AKAP6: variants seen among roughly 807,000 people sequenced by gnomAD.
AKAP6 encodes the protein A-kinase anchor protein 6.
In AKAP6, 58 loss-of-function variants were observed where a neutral mutation model predicts 188.5. That is an observed-to-expected ratio of 0.31 (90% CI 0.25 to 0.38). AKAP6 has a LOEUF of 0.38. Among genes scored for constraint, AKAP6 ranks in the 10% least tolerant of loss-of-function variants. AKAP6 has a pLI of 1.00. For missense variants in AKAP6, 2,710 were observed against 2,740.0 expected, an observed-to-expected ratio of 0.99 and a Z score of 0.24; for synonymous variants, 989 against 998.6, an observed-to-expected ratio of 0.99 and a Z score of 0.18.
chr14:32,634,480 A>G (rs181470678), intron 7 of AKAP6, among the ~76,000 whole-genome samples: 72 of 151,946 alleles, frequency 4.7e-4, no homozygotes, highest in Non-Finnish European at 8.4e-4. Flanking sequence ...TTACTTTCTC[A>G]TTGTTGTTTC....
intron 9 of AKAP6, among the ~76,000 whole-genome samples, chr14:32,714,073 GT>G (rs1566662173): frequency 6.6e-6 from 1 of 151,964 alleles, no homozygotes. Flanking sequence ...CAATATTGTT[GT>G]GTCTCAAGGA....
Position 32,824,702 on chromosome 14 carries a change from C to T in AKAP6, c.6889C>T (p.Pro2297Ser), listed in dbSNP as rs1458510645. The T allele has an allele frequency of 6.2e-7, 1 of 1,613,798 alleles. No individual in the cohort carries two copies. Among genetic ancestry groups the T allele is most frequent in the Non-Finnish European group, 8.5e-7 (1 of 1,179,872 alleles). ...PTDKAALHPS[P>S]KTLTCEENLL... ...AGACAAGGCCGCATTGCATCCCAGC[C>T]CCAAAACTTTAACCTGTGAAGAAAA... is the stretch of plus-strand genomic sequence containing the variant. Residue 2297 changes from proline (P) to serine (S), a missense_variant, in exon 13 of 14, where the codon CCC (proline) becomes TCC (serine). Physicochemically the swap from Pro to Ser is moderately conservative, Grantham distance 74. Transcript: ENST00000280979.
intron 9 of AKAP6, among the ~76,000 whole-genome samples, chr14:32,710,237 ACTT>A (rs1468538083): frequency 6.6e-6 from 1 of 151,278 alleles, no homozygotes; most frequent in African/African-American, 2.4e-5. Context: ...GGACAGAGCT[ACTT>A]CTTCTCCCAG....
At chr14:32,584,436 A>G (rs1180748072) in intron 5 of AKAP6, among the ~76,000 whole-genome samples, 3 of 152,182 alleles carry the variant, frequency 2.0e-5, no homozygotes, top group Admixed American at 6.5e-5. Context: ...TTGCATTTAT[A>G]TTTTCAGACC....
intron 11 of AKAP6, among the ~76,000 whole-genome samples, chr14:32,737,744 C>T (rs960852691): frequency 3.9e-5 from 6 of 152,196 alleles, no homozygotes; most frequent in Admixed American, 3.9e-4. Context: ...TAACTGAAGT[C>T]CTTTATATGA....
intron 2 of AKAP6, among the ~76,000 whole-genome samples, chr14:32,526,160 G>A (rs1882113325): frequency 6.6e-6 from 1 of 152,076 alleles, no homozygotes; most frequent in African/African-American, 2.4e-5. Flanking sequence ...GACCTCCTGG[G>A]CTCAAGTGAT....
intron 7 of AKAP6, among the ~76,000 whole-genome samples, chr14:32,643,775 C>T (rs903000362): frequency 7.2e-5 from 11 of 152,130 alleles, no homozygotes; most frequent in African/African-American, 1.2e-4. Flanking sequence ...AAGACAGAGA[C>T]GTGTCCTTTA....
chr14:32,738,470 T>C (rs2031534157), intron 11 of AKAP6, among the ~76,000 whole-genome samples: 1 of 152,150 alleles, frequency 6.6e-6, no homozygotes, highest in South Asian at 2.1e-4. Context: ...TTGTTGATGA[T>C]TAATAACCGA....
At chr14:32,619,064 G>A (rs1234289488) in intron 7 of AKAP6, among the ~76,000 whole-genome samples, 10 of 151,118 alleles carry the variant, frequency 6.6e-5, no homozygotes, top group East Asian at 1.9e-4. Flanking sequence ...TGTGTTTCTC[G>A]TAAATCCTGA....
intron 12 of AKAP6, among the ~76,000 whole-genome samples, chr14:32,797,894 G>C (rs1232180523): frequency 7.1e-6 from 1 of 140,932 alleles, no homozygotes; most frequent in Admixed American, 7.0e-5. Context: ...TTGACCAATG[G>C]AACCTAATTA....
intron 7 of AKAP6, among the ~76,000 whole-genome samples, chr14:32,673,658 C>G (rs774191497): frequency 6.6e-6 from 1 of 152,146 alleles, no homozygotes; most frequent in Non-Finnish European, 1.5e-5. Context: ...TCGCTTGAAC[C>G]TGGGAGGTGG....
chr14:32,829,786 G>T, intron 13 of AKAP6, 62 bp from the exon 14 acceptor site: 2 of 660,068 alleles, frequency 3.0e-6, no homozygotes, highest in South Asian at 1.7e-5. Flanking sequence ...CAAAGGGCTT[G>T]GTTTTGCTAA....
intron 1 of AKAP6, among the ~76,000 whole-genome samples, chr14:32,363,514 A>T (rs899306646): frequency 2.6e-5 from 4 of 152,196 alleles, no homozygotes; most frequent in Non-Finnish European, 5.9e-5. Flanking sequence ...CTGAAGGCCC[A>T]AGAGCCACTG....
intron 9 of AKAP6, among the ~76,000 whole-genome samples, chr14:32,723,094 G>A (rs990644717): frequency 1.3e-5 from 2 of 152,232 alleles, no homozygotes; most frequent in South Asian, 2.1e-4. Flanking sequence ...CCTGCAAGGG[G>A]TTTAACTGCA....
At chr14:32,544,847 C>T (rs565534445) in intron 3 of AKAP6, among the ~76,000 whole-genome samples, 1 of 152,170 alleles carries the variant, frequency 6.6e-6, no homozygotes, top group East Asian at 1.9e-4. Flanking sequence ...AACAGACATT[C>T]GTGGAGATTT....
At chr14:32,631,232 A>G (rs1410859540) in intron 7 of AKAP6, among the ~76,000 whole-genome samples, 1 of 151,930 alleles carries the variant, frequency 6.6e-6, no homozygotes, top group Non-Finnish European at 1.5e-5. Flanking sequence ...TTATTCTTTG[A>G]GCGCCCCGTA....
intron 9 of AKAP6, among the ~76,000 whole-genome samples, chr14:32,711,141 T>C (rs1227916135): frequency 3.9e-5 from 6 of 152,104 alleles, no homozygotes; most frequent in Non-Finnish European, 7.4e-5. Flanking sequence ...CTATCTGCTA[T>C]ATTGCAGTAA....
intron 9 of AKAP6, among the ~76,000 whole-genome samples, chr14:32,700,607 A>G (rs775016814): frequency 6.6e-6 from 1 of 152,222 alleles, no homozygotes; most frequent in African/African-American, 2.4e-5. Flanking sequence ...ATATTTATGT[A>G]CACAAATACT....
chr14:32,625,771 G>A (rs1447531084), intron 7 of AKAP6, among the ~76,000 whole-genome samples: 1 of 152,102 alleles, frequency 6.6e-6, no homozygotes, highest in Non-Finnish European at 1.5e-5. Flanking sequence ...CCAGCTGTGT[G>A]TGGAACATTT....
Sources: gnomAD v4.1 joint callset for allele counts (sites outside exome capture counted in the v4.1 genomes callset) on GRCh38, gnomAD v4.1.1 for gene constraint, MANE v1.5 for transcripts, NCBI Gene and HGNC (gene_info 2026-07-23, HGNC 2026-07-21) for gene names.